The following PIK3R4 variants were observed in gnomAD, a reference collection of about 807,000 sequenced individuals.
PIK3R4 encodes the protein phosphoinositide-3-kinase regulatory subunit 4, also known as phosphoinositide 3-kinase regulatory subunit 4.
PIK3R4 carries 46 observed loss-of-function variants against 136.5 expected under a neutral mutation model. That is an observed-to-expected ratio of 0.34 (90% CI 0.27 to 0.43). The LOEUF (loss-of-function observed/expected upper bound fraction) is 0.43. Ranked by LOEUF, PIK3R4 falls within the 20% of genes least tolerant of loss-of-function variation. The pLI, the probability that PIK3R4 is intolerant of heterozygous loss-of-function variation, is 1.00. For missense variants in PIK3R4, 1,331 were observed against 1,649.5 expected (o/e 0.81, Z 3.35); for synonymous variants, 557 against 566.7 (o/e 0.98, Z 0.24).
chr3:130,739,069 G>GT (rs375898430), intron 2 of PIK3R4, among the ~76,000 whole-genome samples: 1 of 151,914 alleles, frequency 6.6e-6, no homozygotes, highest in African/African-American at 2.4e-5. Context: ...TTTTTTGTTT[G>GT]TTTTTTTGTT....
At chr3:130,737,077 A>G (rs1000392843) in intron 2 of PIK3R4, among the ~76,000 whole-genome samples, 5 of 152,180 alleles carry the variant, frequency 3.3e-5, no homozygotes, top group African/African-American at 1.2e-4. Flanking sequence ...CAGCCTGTGC[A>G]TTTGCTACTC....
intron 2 of PIK3R4, among the ~76,000 whole-genome samples, chr3:130,739,511 A>G (rs1337686455): frequency 6.6e-6 from 1 of 152,120 alleles, no homozygotes; most frequent in African/African-American, 2.4e-5. Context: ...AGCTGGGACT[A>G]CAGGTGTACA....
chr3:130,715,181 C>T (rs1251867928), intron 9 of PIK3R4, among the ~76,000 whole-genome samples: 4 of 143,590 alleles, frequency 2.8e-5, no homozygotes, highest in Admixed American at 7.4e-5. Context: ...TGGAGTGCAG[C>T]GGTGCGATCT....
chr3:130,688,648 A>G (rs1042974834), intron 14 of PIK3R4, among the ~76,000 whole-genome samples: 3 of 152,206 alleles, frequency 2.0e-5, no homozygotes, highest in African/African-American at 7.2e-5. Flanking sequence ...ATTCTACTAT[A>G]TAAGTGTACT....
At chr3:130,738,338 T>C (rs956485144) in intron 2 of PIK3R4, among the ~76,000 whole-genome samples, 1 of 152,212 alleles carries the variant, frequency 6.6e-6, no homozygotes. Flanking sequence ...ATCAGTTTAC[T>C]GGGATGTAAC....
chr3:130,691,249 T>C (rs773146827), intron 13 of PIK3R4, among the ~76,000 whole-genome samples: 4 of 152,292 alleles, frequency 2.6e-5, no homozygotes, highest in East Asian at 1.9e-4. Flanking sequence ...AGGAAAAGCA[T>C]TGGCTTTGGA....
intron 13 of PIK3R4, among the ~76,000 whole-genome samples, chr3:130,699,911 G>A (rs1254319414): frequency 6.6e-6 from 1 of 152,090 alleles, no homozygotes; most frequent in African/African-American, 2.4e-5. Context: ...ATAAAGGCTT[G>A]TGATACATAT....
rs745959066 is a variant in PIK3R4, at chr3:130,735,965, T to C, written c.771A>G (p.Pro257=). Residue 257 remains proline, a synonymous_variant, in exon 3 of 20, where the codon CCA becomes CCG. Transcript: ENST00000356763. The part of the protein sequence containing the change: ...VIAELFTEGV[P]LFDLSQLLAY... ...CCAAAAGTTGAGAGAGATCAAATAA[T>C]GGTACACCTTCTGTAAAAAGCTCAG... 12 of 1,611,980 alleles carry C rather than the reference T, an allele frequency of 7.4e-6. No individual in the cohort carries two copies. The highest frequency in any genetic ancestry group is 8.5e-6 in the Non-Finnish European group (10 of 1,179,054).
chr3:130,691,803 T>G (rs1217363571), intron 13 of PIK3R4, among the ~76,000 whole-genome samples: 1 of 151,956 alleles, frequency 6.6e-6, no homozygotes, highest in East Asian at 1.9e-4. Flanking sequence ...TTACAATACA[T>G]TCACACTTGT....
intron 13 of PIK3R4, among the ~76,000 whole-genome samples, chr3:130,691,167 T>C (rs2066516315): frequency 6.6e-6 from 1 of 152,166 alleles, no homozygotes. Flanking sequence ...TCCTATCTTC[T>C]TCAACTCCTG....
chr3:130,735,853 T>C lies in PIK3R4; in HGVS notation c.867+16A>G, dbSNP rs2066783096. 4 of 1,597,486 alleles carry C rather than the reference T, an allele frequency of 2.5e-6. No homozygotes were observed. The East Asian group carries it at 9.0e-5, about 36-fold the overall frequency. ...CCTATTAAAAACTTTATGGCGAATA[T>C]TTGTAGCATAGTTACCAATTCTCTG... is the stretch of plus-strand genomic sequence containing the variant. On this transcript the variant is annotated intron_variant, in intron 3 of 19. Coordinates refer to ENST00000356763, the MANE Select transcript of PIK3R4 (RefSeq NM_014602.3).
chr3:130,745,798 A>C (rs1682461), intron 1 of PIK3R4, among the ~76,000 whole-genome samples: 86,426 of 152,020 alleles, frequency 0.57, 28,343 homozygotes, highest in African/African-American at 0.89. Context: ...CCGAGGCGGG[A>C]GGATCACGAG....
chr3:130,732,407 C>G (rs2066764202), intron 4 of PIK3R4, among the ~76,000 whole-genome samples: 1 of 151,482 alleles, frequency 6.6e-6, no homozygotes, highest in South Asian at 2.1e-4. Context: ...TCATAAAATT[C>G]TGGTAAAGAA....
At chr3:130,705,284 A>C (rs1433989937) in intron 12 of PIK3R4, among the ~76,000 whole-genome samples, 3 of 152,230 alleles carry the variant, frequency 2.0e-5, no homozygotes, top group Non-Finnish European at 2.9e-5. Context: ...GCAAGGCATT[A>C]AACAGGCAAA....
chr3:130,733,746 T>C lies in PIK3R4; in HGVS notation c.1252A>G (p.Ile418Val), dbSNP rs1446843122. The C allele has an allele frequency of 6.2e-7, 1 of 1,614,158 alleles. No homozygotes were observed. Among genetic ancestry groups the C allele is most frequent in the Non-Finnish European group, 8.5e-7 (1 of 1,180,000 alleles). ...CTGAAATGCAAAAGATATGGAGTAATACGATCCAAAAGGATTTCAACACTT... is the reference window on the plus strand; with the variant it reads ...CTGAAATGCAAAAGATATGGAGTAACACGATCCAAAAGGATTTCAACACTT... ...RLSVEILLDR[I>V]TPYLLHFSND... Residue 418 changes from isoleucine to valine, a missense_variant, in exon 4 of 20, where the codon ATT becomes GTT. Ile to Val is a conservative substitution (Grantham distance 29, BLOSUM62 3). This residue lies in a region of PIK3R4 where 1,180 missense variants were observed against 1,407.0 expected (regional missense o/e 0.84). Transcript: ENST00000356763.
intron 6 of PIK3R4, among the ~76,000 whole-genome samples, chr3:130,724,854 T>A (rs2066722838): frequency 6.6e-6 from 1 of 151,988 alleles, no homozygotes; most frequent in Non-Finnish European, 1.5e-5. Context: ...AAGTCCAAAG[T>A]TGGTTATTCT....
rs367673907 is a variant in PIK3R4, at chr3:130,733,599, T to C, written c.1399A>G (p.Ile467Val). The stretch of plus-strand genomic sequence containing the variant: ...GCATCATCTTGGGCTAAGTGGGCTA[T>C]GCCTGGCAGAATGTATTCCGGATAA... ...NIYPEYILPG[I>V]AHLAQDDATI... is the part of the protein sequence containing the mutation. Residue 467 changes from isoleucine to valine, a missense_variant, in exon 4 of 20, where the codon ATA becomes GTA. By Grantham distance (29) the Ile-to-Val change is conservative. Coordinates refer to ENST00000356763, the MANE Select transcript of PIK3R4 (RefSeq NM_014602.3). The C allele has an allele frequency of 3.8e-5, 62 of 1,614,132 alleles. 1 individual carries two copies. In the African/African-American group the frequency reaches 7.7e-4, roughly 20 times the overall value.
chr3:130,686,139 G>T, intron 15 of PIK3R4, 72 bp downstream of exon 15: 1 of 882,634 alleles, frequency 1.1e-6, no homozygotes, highest in Non-Finnish European at 1.9e-6. Context: ...GGAAAAAACT[G>T]ATTTCACAAG....
At chr3:130,694,082 C>G (rs964663286) in intron 13 of PIK3R4, among the ~76,000 whole-genome samples, 1 of 152,028 alleles carries the variant, frequency 6.6e-6, no homozygotes, top group African/African-American at 2.4e-5. Context: ...TTCTGCATGT[C>G]AGTTCTATAC....
Sources: gnomAD v4.1 joint callset for allele counts (sites outside exome capture counted in the v4.1 genomes callset) on GRCh38, gnomAD v4.1.1 for gene constraint, gnomAD v4.1.1 regional missense constraint, MANE v1.5 for transcripts, NCBI Gene and HGNC (gene_info 2026-07-23, HGNC 2026-07-21) for gene names.